The following SYNPR variants were observed in gnomAD, a reference collection of about 807,000 sequenced individuals.
SYNPR encodes the protein synaptoporin.
In SYNPR, 23 loss-of-function variants were observed where a neutral mutation model predicts 32.9. The observed-to-expected ratio is 0.70, with a 90% CI of 0.50 to 0.99. SYNPR has a LOEUF of 0.99. Ranked by LOEUF, SYNPR falls within the 50% of genes least tolerant of loss-of-function variation. SYNPR has a pLI of 0.00. For synonymous variants in SYNPR, 146 were observed against 135.9 expected (o/e 1.07, Z -0.52); for missense variants, 318 against 349.3 (o/e 0.91, Z 0.71).
intron 2 of SYNPR, among the ~76,000 whole-genome samples, chr3:63,354,254 C>G (rs1023519877): frequency 7.9e-5 from 12 of 152,202 alleles, no homozygotes; most frequent in Non-Finnish European, 1.5e-4. Flanking sequence ...GTGGACCACT[C>G]TGAGCTTTGC....
chr3:63,434,329 T>C (rs973815771), intron 2 of SYNPR, among the ~76,000 whole-genome samples: 5 of 152,242 alleles, frequency 3.3e-5, no homozygotes, highest in Non-Finnish European at 7.3e-5. Context: ...ATTTCACTTG[T>C]GTCATTGTAA....
intron 3 of SYNPR, among the ~76,000 whole-genome samples, chr3:63,516,511 A>G (rs1048169848): frequency 6.6e-6 from 1 of 152,196 alleles, no homozygotes; most frequent in African/African-American, 2.4e-5. Context: ...AAGGAAGAAT[A>G]TTAATGCTCC....
At chr3:63,537,673 A>C (rs1702233815) in intron 3 of SYNPR, among the ~76,000 whole-genome samples, 1 of 152,186 alleles carries the variant, frequency 6.6e-6, no homozygotes, top group Non-Finnish European at 1.5e-5. Flanking sequence ...CTACGATGTC[A>C]GGATATATTC....
chr3:63,492,236 C>T (rs1701269551), intron 3 of SYNPR, among the ~76,000 whole-genome samples: 1 of 152,120 alleles, frequency 6.6e-6, no homozygotes, highest in African/African-American at 2.4e-5. Flanking sequence ...AGATCCAGAG[C>T]ACAGGAGGAG....
chr3:63,363,481 C>CA (rs1372887712), intron 2 of SYNPR, among the ~76,000 whole-genome samples: 2 of 152,126 alleles, frequency 1.3e-5, no homozygotes, highest in Non-Finnish European at 2.9e-5. Context: ...GAAGCAAACT[C>CA]AATACTGGTG....
intron 2 of SYNPR, among the ~76,000 whole-genome samples, chr3:63,299,722 A>T (rs7625244): frequency 0.34 from 52,150 of 152,052 alleles, 9,347 homozygotes; most frequent in Non-Finnish European, 0.39. Context: ...TAACCAAATG[A>T]CATTGATACT....
chr3:63,374,156 G>A (rs1373257442), intron 2 of SYNPR, among the ~76,000 whole-genome samples: 2 of 152,296 alleles, frequency 1.3e-5, no homozygotes, highest in Non-Finnish European at 1.5e-5. Context: ...TGCCCATTCA[G>A]TATGATGTTG....
At chr3:63,358,492 C>T (rs769429839) in intron 2 of SYNPR, among the ~76,000 whole-genome samples, 9 of 152,162 alleles carry the variant, frequency 5.9e-5, no homozygotes, top group Non-Finnish European at 1.3e-4. Context: ...AATCATCTCT[C>T]ATCTCAAGAT....
chr3:63,366,070 A>G (rs1040383661), intron 2 of SYNPR, among the ~76,000 whole-genome samples: 3 of 152,232 alleles, frequency 2.0e-5, no homozygotes, highest in Non-Finnish European at 4.4e-5. Flanking sequence ...AATTATATCA[A>G]TAAAAGATTT....
intron 4 of SYNPR, among the ~76,000 whole-genome samples, chr3:63,572,095 A>C (rs1702897456): frequency 6.6e-6 from 1 of 152,180 alleles, no homozygotes; most frequent in South Asian, 2.1e-4. Context: ...TTTCAGTCCA[A>C]AGCAACCATA....
At chr3:63,387,762 G>A (rs559657861) in intron 2 of SYNPR, among the ~76,000 whole-genome samples, 2 of 152,280 alleles carry the variant, frequency 1.3e-5, no homozygotes, top group South Asian at 2.1e-4. Flanking sequence ...GCTATTGAGG[G>A]TATTTGGAAT....
chr3:63,339,511 A>C (rs1201218771), intron 2 of SYNPR, among the ~76,000 whole-genome samples: 1 of 152,130 alleles, frequency 6.6e-6, no homozygotes, highest in Non-Finnish European at 1.5e-5. Context: ...GACACAATCC[A>C]CCTATCTTTT....
At chr3:63,407,652 C>A (rs1488325556) in intron 2 of SYNPR, among the ~76,000 whole-genome samples, 4 of 152,052 alleles carry the variant, frequency 2.6e-5, no homozygotes, top group African/African-American at 4.8e-5. Flanking sequence ...TCAACAATAT[C>A]TTTGCTCAAG....
At chr3:63,488,532 C>T (rs904011705) in intron 3 of SYNPR, among the ~76,000 whole-genome samples, 1 of 152,158 alleles carries the variant, frequency 6.6e-6, no homozygotes, top group Non-Finnish European at 1.5e-5. Flanking sequence ...ACGCTGGGCC[C>T]ATAACCTTAT....
chr3:63,377,597 G>A lies in SYNPR; in HGVS notation c.84+98855G>A, dbSNP rs112698257. On this transcript the variant is annotated intron_variant, in intron 2 of 5. Coordinates refer to ENST00000478300, the MANE Select transcript of SYNPR (RefSeq NM_001130003.2). ...AAAAAAATTAGAATCAACCAGCAAG[G>A]ATGGAACAATCCAAGTGAGATACAT... Among the ~76,000 whole-genome samples the A allele has an allele frequency of 2.4e-4, 37 of 151,658 alleles. 1 individual carries two copies. The highest frequency in any genetic ancestry group is 8.4e-4 in the African/African-American group (35 of 41,448).
intron 2 of SYNPR, among the ~76,000 whole-genome samples, chr3:63,463,035 A>G (rs1700615977): frequency 2.6e-5 from 4 of 152,150 alleles, no homozygotes; most frequent in Non-Finnish European, 4.4e-5. Context: ...TTTGGCCACT[A>G]CAAATCACAG....
intron 2 of SYNPR, among the ~76,000 whole-genome samples, chr3:63,314,740 C>T (rs578198639): frequency 6.6e-5 from 10 of 151,990 alleles, no homozygotes; most frequent in African/African-American, 2.4e-4. Flanking sequence ...TAGGTCCCAG[C>T]TATTTATCTT....
chr3:63,427,590 A>C (rs1442668404), intron 2 of SYNPR: 1 of 152,258 alleles, frequency 6.6e-6, no homozygotes, highest in Non-Finnish European at 1.5e-5. Context: ...GTCTCTGAGG[A>C]GACAGAAGCT....
chr3:63,382,131 T>G (rs2087978198), intron 2 of SYNPR, among the ~76,000 whole-genome samples: 1 of 152,226 alleles, frequency 6.6e-6, no homozygotes, highest in South Asian at 2.1e-4. Context: ...GAAACTGTAT[T>G]ATATTTGCCC....
Sources: allele counts gnomAD v4.1 joint callset (sites outside exome capture counted in the v4.1 genomes callset), GRCh38; gene constraint gnomAD v4.1.1; transcripts MANE v1.5; gene names NCBI Gene and HGNC (gene_info 2026-07-23, HGNC 2026-07-21).